SUCLG2: variants seen among roughly 807,000 people sequenced by gnomAD.
The protein encoded by SUCLG2 is succinate-CoA ligase GDP-forming subunit beta.
A neutral mutation model predicts 47.9 loss-of-function variants in SUCLG2; 42 were observed. The observed-to-expected ratio is 0.88, with a 90% confidence interval of 0.69 to 1.14. SUCLG2 has a LOEUF of 1.14. SUCLG2 is among the 50% of genes most tolerant of loss of function. The probability of loss-of-function intolerance (pLI) is 0.00; values close to 1 mark genes in which losing one functional copy is unlikely to be tolerated. For synonymous variants in SUCLG2, 195 were observed against 197.3 expected (o/e 0.99, Z 0.10); for missense variants, 571 against 525.9 (o/e 1.09, Z -0.84).
intron 9 of SUCLG2, among the ~76,000 whole-genome samples, chr3:67,428,527 C>T (rs1165425991): frequency 1.3e-5 from 2 of 152,162 alleles, no homozygotes; most frequent in African/African-American, 4.8e-5. Flanking sequence ...TTCTAAAAAT[C>T]AGAGCATCTC....
At chr3:67,581,722 A>C (rs1190920448) in intron 2 of SUCLG2, among the ~76,000 whole-genome samples, 1 of 152,212 alleles carries the variant, frequency 6.6e-6, no homozygotes, top group Non-Finnish European at 1.5e-5. Flanking sequence ...TCGAGTATGG[A>C]AAGTCAGAGA....
At chr3:67,393,013 G>C (rs1473180314) in intron 10 of SUCLG2, among the ~76,000 whole-genome samples, 1 of 150,860 alleles carries the variant, frequency 6.6e-6, no homozygotes, top group African/African-American at 2.4e-5. Flanking sequence ...CATACTCACA[G>C]TAAGAAAAAA....
intron 2 of SUCLG2, among the ~76,000 whole-genome samples, chr3:67,531,850 C>A (rs1377600589): frequency 6.6e-6 from 1 of 152,070 alleles, no homozygotes; most frequent in East Asian, 1.9e-4. Context: ...GATGACAAAT[C>A]CCACTCAACA....
chr3:67,514,326 C>G (rs962762383), intron 6 of SUCLG2: 9 of 389,728 alleles, frequency 2.3e-5, no homozygotes, highest in Admixed American at 8.8e-5. Context: ...CATATTAAGT[C>G]TGGCAATGAT....
chr3:67,491,236 A>G (rs1188640567), intron 9 of SUCLG2, among the ~76,000 whole-genome samples: 1 of 151,244 alleles, frequency 6.6e-6, no homozygotes, highest in Non-Finnish European at 1.5e-5. Flanking sequence ...AGAAGAAAAA[A>G]AAAAAAAAAA....
At chr3:67,521,713 A>G (rs56361934) in intron 4 of SUCLG2, among the ~76,000 whole-genome samples, 8,553 of 151,694 alleles carry the variant, frequency 0.056, 355 homozygotes, top group East Asian at 0.18. Context: ...TCTGCCTCCC[A>G]TGTTCAAGCA....
rs558221072 is a variant in SUCLG2 at position 67,578,414 on chromosome 3, G to C, written c.226+31041C>G. Among the ~76,000 whole-genome samples the C allele has an allele frequency of 1.4e-3, 211 of 151,926 alleles. 3 individuals are homozygous for C. The South Asian group carries it at 0.04, about 29-fold the overall frequency. ...GAACTAATTTTCCAATAAGTACTTA[G>C]ACAAAATAATTATGAGAATTTATGT... On this transcript the variant is annotated intron_variant, in intron 2 of 10. Coordinates refer to ENST00000307227, the MANE Select transcript of SUCLG2 (RefSeq NM_003848.4).
intron 9 of SUCLG2, among the ~76,000 whole-genome samples, chr3:67,452,414 T>C (rs1029404798): frequency 1.3e-5 from 2 of 152,362 alleles, no homozygotes; most frequent in East Asian, 1.9e-4. Context: ...GACTGGTTTG[T>C]AATTAGTGCA....
At chr3:67,431,784 T>C (rs1180389225) in intron 9 of SUCLG2, among the ~76,000 whole-genome samples, 1 of 152,024 alleles carries the variant, frequency 6.6e-6, no homozygotes, top group East Asian at 1.9e-4. Flanking sequence ...ATATACCTAA[T>C]GTAAATGATG....
chr3:67,634,596 T>C (rs1225156926), intron 1 of SUCLG2, among the ~76,000 whole-genome samples: 1 of 152,186 alleles, frequency 6.6e-6, no homozygotes, highest in Non-Finnish European at 1.5e-5. Context: ...CAAGAGTCAG[T>C]AAACCATTGC....
At chr3:67,413,557 C>G (rs1177319112) in intron 9 of SUCLG2, among the ~76,000 whole-genome samples, 4 of 152,214 alleles carry the variant, frequency 2.6e-5, no homozygotes, top group African/African-American at 9.6e-5. Context: ...CCACATTATT[C>G]TGTTCTACTA....
At chr3:67,448,329 T>C (rs373462943) in intron 9 of SUCLG2, among the ~76,000 whole-genome samples, 17 of 152,316 alleles carry the variant, frequency 1.1e-4, no homozygotes, top group South Asian at 4.1e-4. Flanking sequence ...AGAATACATA[T>C]ATGATGGGTC....
chr3:67,456,382 A>G (rs575181884), intron 9 of SUCLG2, among the ~76,000 whole-genome samples: 1 of 152,338 alleles, frequency 6.6e-6, no homozygotes, highest in African/African-American at 2.4e-5. Flanking sequence ...GGAGAAAATC[A>G]ATGCTCCTCA....
In SUCLG2 at chr3:67,570,048, G is replaced by A. The variant is rs1048387919; in HGVS notation, c.226+39407C>T. 4.6e-5 allele frequency among the ~76,000 whole-genome samples: 7 copies of A among 152,156 alleles called. No homozygotes were observed. In the South Asian group the frequency reaches 8.3e-4, roughly 18 times the overall value. On this transcript the variant is annotated intron_variant, in intron 2 of 10. Coordinates refer to ENST00000307227, the MANE Select transcript of SUCLG2 (RefSeq NM_003848.4). ...ATTAGGAAGGGACCTAATCCAATAC[G>A]ATGATGATGTCCTTATAAGAAGTGG...
chr3:67,386,878 A>G (rs191441825), intron 10 of SUCLG2, among the ~76,000 whole-genome samples: 12 of 152,304 alleles, frequency 7.9e-5, no homozygotes, highest in Admixed American at 2.6e-4. Context: ...TTCTCAAGAA[A>G]AAGTCCAAGG....
At chr3:67,369,861 CT>C (rs1426038607), downstream of SUCLG2, among the ~76,000 whole-genome samples, 1 of 152,128 alleles carries the variant, frequency 6.6e-6, no homozygotes, top group Non-Finnish European at 1.5e-5. Context: ...AGAAGTGGCA[CT>C]ATGAACATTT....
At chr3:67,393,648 C>A (rs987885149) in intron 10 of SUCLG2, among the ~76,000 whole-genome samples, 1 of 152,230 alleles carries the variant, frequency 6.6e-6, no homozygotes, top group Non-Finnish European at 1.5e-5. Flanking sequence ...ATGTCCCTGT[C>A]TGACAGCTTT....
chr3:67,481,747 C>A (rs1704922739), intron 9 of SUCLG2, among the ~76,000 whole-genome samples: 1 of 152,156 alleles, frequency 6.6e-6, no homozygotes, highest in Non-Finnish European at 1.5e-5. Context: ...AGGTACCTAC[C>A]TTTCTCTGCT....
chr3:67,429,646 C>T (rs147660010), intron 9 of SUCLG2, among the ~76,000 whole-genome samples: 5 of 152,212 alleles, frequency 3.3e-5, no homozygotes, highest in Non-Finnish European at 7.4e-5. Flanking sequence ...ATAAAAGACA[C>T]AAACTGGCAA....
Sources: gnomAD v4.1 joint callset for allele counts (sites outside exome capture counted in the v4.1 genomes callset) on GRCh38, gnomAD v4.1.1 for gene constraint, MANE v1.5 for transcripts, NCBI Gene and HGNC (gene_info 2026-07-23, HGNC 2026-07-21) for gene names.